Variants in BMPR1B observed in about 807,000 individuals in gnomAD.
BMPR1B encodes the protein bone morphogenetic protein receptor type-1B.
A neutral mutation model predicts 59.1 loss-of-function variants in BMPR1B; 12 were observed. The observed-to-expected ratio is 0.20, with a 90% CI of 0.13 to 0.33. The LOEUF (loss-of-function observed/expected upper bound fraction) is 0.33, where lower values mean the gene tolerates loss of function less well. Ranked by LOEUF, BMPR1B falls within the 10% of genes least tolerant of loss-of-function variation. BMPR1B has a pLI of 1.00. For synonymous variants in BMPR1B, 237 were observed against 207.3 expected (o/e 1.14, Z -1.23); for missense variants, 550 against 610.9 (o/e 0.90, Z 1.05).
At chr4:95,107,706 TTATGATGA>T (rs1731291120) in intron 4 of BMPR1B, among the ~76,000 whole-genome samples, 1 of 152,110 alleles carries the variant, frequency 6.6e-6, no homozygotes, top group Non-Finnish European at 1.5e-5. Context: ...TTTTCCATAG[TTATGATGA>T]TATGATAGAA....
At chr4:95,115,372 G>A (rs532785893) in intron 5 of BMPR1B, among the ~76,000 whole-genome samples, 129 of 152,074 alleles carry the variant, frequency 8.5e-4, no homozygotes, top group South Asian at 1.5e-3. Context: ...GTTTAGTGTC[G>A]CATTAGAGCA....
intron 2 of BMPR1B, among the ~76,000 whole-genome samples, chr4:94,903,506 ATTAC>A (rs1727911155): frequency 1.3e-5 from 2 of 149,010 alleles, no homozygotes; most frequent in East Asian, 2.0e-4. Flanking sequence ...AAAGTTGTAT[ATTAC>A]TTACTTTTTT....
chr4:95,122,615 T>G (rs765340218), intron 6 of BMPR1B, among the ~76,000 whole-genome samples: 2 of 152,206 alleles, frequency 1.3e-5, no homozygotes, highest in African/African-American at 2.4e-5. Context: ...ATGAACATTT[T>G]TATTGAAATG....
chr4:94,918,456 C>G (rs192130338), intron 2 of BMPR1B, among the ~76,000 whole-genome samples: 277 of 152,204 alleles, frequency 1.8e-3, no homozygotes, highest in Admixed American at 3.5e-3. Flanking sequence ...GTGTGAAGAT[C>G]ACTTGAGTCT....
chr4:94,788,212 T>G (rs533910844), intron 1 of BMPR1B, among the ~76,000 whole-genome samples: 9 of 152,224 alleles, frequency 5.9e-5, no homozygotes, highest in Non-Finnish European at 1.2e-4. Context: ...AGAATTCTCT[T>G]GACTGGAAGC....
At chr4:94,833,023 CA>C (rs1161498172) in intron 1 of BMPR1B, among the ~76,000 whole-genome samples, 2 of 151,818 alleles carry the variant, frequency 1.3e-5, no homozygotes. Context: ...ACTGTCTCTA[CA>C]AAATATTAAA....
chr4:95,037,666 T>C (rs1416699063), intron 3 of BMPR1B, among the ~76,000 whole-genome samples: 1 of 152,104 alleles, frequency 6.6e-6, no homozygotes, highest in Admixed American at 6.5e-5. Context: ...TGTTGACCTT[T>C]GGAAGAAGAA....
intron 10 of BMPR1B, among the ~76,000 whole-genome samples, chr4:95,146,413 A>AT (rs1734645903): frequency 6.6e-6 from 1 of 152,168 alleles, no homozygotes; most frequent in African/African-American, 2.4e-5. Flanking sequence ...ATTACCTTTC[A>AT]TTTTTCTAAT....
chr4:94,934,461 T>TTTTTG (rs1729212358), intron 2 of BMPR1B, among the ~76,000 whole-genome samples: 1 of 149,356 alleles, frequency 6.7e-6, no homozygotes, highest in Non-Finnish European at 1.5e-5. Context: ...TGGTTTTTTT[T>TTTTTG]TTTTTTTTTT....
chr4:95,144,271 C>T (rs1490632434), intron 10 of BMPR1B, among the ~76,000 whole-genome samples: 1 of 152,142 alleles, frequency 6.6e-6, no homozygotes, highest in African/African-American at 2.4e-5. Context: ...GCCTCCTGGG[C>T]TCAAGTGATC....
intron 3 of BMPR1B, chr4:95,051,639 C>G: frequency 6.7e-7 from 1 of 1,487,460 alleles, no homozygotes; most frequent in Non-Finnish European, 9.0e-7. Flanking sequence ...CAGTGAAAGA[C>G]GGAAAGGCAA....
At chr4:95,015,415 T>C (rs1248489988) in intron 3 of BMPR1B, among the ~76,000 whole-genome samples, 1 of 152,118 alleles carries the variant, frequency 6.6e-6, no homozygotes, top group Non-Finnish European at 1.5e-5. Context: ...CTTCTTTTTT[T>C]GATTGTTGTT....
intron 2 of BMPR1B, among the ~76,000 whole-genome samples, chr4:94,899,377 G>A (rs1311818772): frequency 2.0e-5 from 3 of 151,598 alleles, no homozygotes; most frequent in Middle Eastern, 3.4e-3. Flanking sequence ...ACAAAGATGA[G>A]TAAGATAGTT....
At chr4:95,030,034 A>G (rs1479502020) in intron 3 of BMPR1B, among the ~76,000 whole-genome samples, 4 of 151,548 alleles carry the variant, frequency 2.6e-5, no homozygotes, top group African/African-American at 9.7e-5. Context: ...TCAGATGAGT[A>G]GGTTGCAAAA....
intron 1 of BMPR1B, among the ~76,000 whole-genome samples, chr4:94,799,216 T>C (rs1426324325): frequency 6.7e-6 from 1 of 150,210 alleles, no homozygotes; most frequent in Non-Finnish European, 1.5e-5. Context: ...AAAGACCTTA[T>C]CTTTGAGATG....
chr4:94,864,577 A>T (rs896459138), intron 1 of BMPR1B, among the ~76,000 whole-genome samples: 2 of 152,186 alleles, frequency 1.3e-5, no homozygotes, highest in African/African-American at 2.4e-5. Context: ...AGGGCCAAGT[A>T]CTTATTAAAA....
At chr4:94,817,393 A>T (rs1724050070) in intron 1 of BMPR1B, among the ~76,000 whole-genome samples, 1 of 152,190 alleles carries the variant, frequency 6.6e-6, no homozygotes, top group African/African-American at 2.4e-5. Context: ...GAACTTTTAA[A>T]TAATACGTTA....
rs560964620 is a variant in BMPR1B at position 94,835,920 on chromosome 4, C to G, written c.-182-39911C>G. Among the ~76,000 whole-genome samples, 863 of 136,548 alleles carry G rather than the reference C, an allele frequency of 6.3e-3. 11 individuals carry two copies. Among genetic ancestry groups the G allele is most frequent in the African/African-American group, 0.021 (798 of 37,242 alleles). The allele number at this position is 136,548 out of a possible 152,430, so 89.6% of individuals were successfully genotyped here. A position where few individuals can be genotyped will look rare whatever the true frequency, so the allele number is the denominator to read the frequency against. The stretch of plus-strand genomic sequence containing the variant: ...GCTATCCCTCCCCCCTCCCCCCACC[C>G]CACAACAGTCCCCAGAGTGTGATGT... On this transcript the variant is annotated intron_variant, in intron 1 of 12. Transcript: ENST00000515059.
At chr4:94,815,446 TTAAAA>T (rs947845002) in intron 1 of BMPR1B, among the ~76,000 whole-genome samples, 1 of 152,240 alleles carries the variant, frequency 6.6e-6, no homozygotes, top group Admixed American at 6.5e-5. Context: ...AGTTAAAGTT[TTAAAA>T]GTGGAATTAC....
Sources: allele counts gnomAD v4.1 joint callset (sites outside exome capture counted in the v4.1 genomes callset), GRCh38; gene constraint gnomAD v4.1.1; transcripts MANE v1.5; gene names NCBI Gene and HGNC (gene_info 2026-07-23, HGNC 2026-07-21).